SGCZ: variants seen among roughly 807,000 people sequenced by gnomAD.
SGCZ encodes the protein sarcoglycan zeta.
Under a neutral mutation model 41.3 loss-of-function variants are expected in SGCZ, and 40 were observed. That is an observed-to-expected ratio of 0.97 (90% CI 0.75 to 1.26). SGCZ has a LOEUF of 1.26. SGCZ is among the 50% of genes most tolerant of loss of function. The pLI, the probability that SGCZ is intolerant of heterozygous loss-of-function variation, is 0.00. For missense variants in SGCZ, 552 were observed against 369.8 expected (o/e 1.49, Z -4.04); for synonymous variants, 206 against 137.5 (o/e 1.50, Z -3.49).
intron 1 of SGCZ, among the ~76,000 whole-genome samples, chr8:15,158,695 G>A (rs1467173214): frequency 1.3e-5 from 2 of 152,176 alleles, no homozygotes; most frequent in Non-Finnish European, 2.9e-5. Flanking sequence ...AAATAGTGAG[G>A]CCTCTAGGGC....
intron 1 of SGCZ, among the ~76,000 whole-genome samples, chr8:14,993,793 C>A (rs147739906): frequency 2.6e-5 from 4 of 152,236 alleles, no homozygotes; most frequent in South Asian, 2.1e-4. Flanking sequence ...TGTTAACAGA[C>A]GCAAGATAAG....
At chr8:14,500,582 T>C (rs79498921) in intron 2 of SGCZ, among the ~76,000 whole-genome samples, 3,905 of 152,088 alleles carry the variant, frequency 0.026, 109 homozygotes, top group African/African-American at 0.07. Context: ...GTGACTTTTG[T>C]GGAGATGTGG....
chr8:14,981,439 G>C (rs1200017004), intron 1 of SGCZ, among the ~76,000 whole-genome samples: 1 of 152,162 alleles, frequency 6.6e-6, no homozygotes, highest in African/African-American at 2.4e-5. Context: ...CTACTGAAAC[G>C]AACTGAGTTA....
chr8:14,441,141 C>G (rs1374977428), intron 2 of SGCZ, among the ~76,000 whole-genome samples: 1 of 152,140 alleles, frequency 6.6e-6, no homozygotes, highest in African/African-American at 2.4e-5. Flanking sequence ...TTCATCTGCT[C>G]TTAGTAAAAA....
chr8:14,309,790 T>C (rs1801468747), intron 3 of SGCZ: 2 of 1,432,534 alleles, frequency 1.4e-6, no homozygotes, highest in Admixed American at 2.0e-5. Flanking sequence ...CATTTCCATC[T>C]AAATGTTACT....
At chr8:14,985,270 C>T (rs1217338466) in intron 1 of SGCZ, among the ~76,000 whole-genome samples, 2 of 152,062 alleles carry the variant, frequency 1.3e-5, no homozygotes, top group Non-Finnish European at 2.9e-5. Context: ...GAGAATAAAG[C>T]ATCCAAAATC....
Position 15,080,666 on chromosome 8 carries a change from C to T in SGCZ, c.39+156919G>A, listed in dbSNP as rs1389463108. 3.9e-5 allele frequency among the ~76,000 whole-genome samples: 6 copies of T among 152,140 alleles called. No homozygotes were observed. In the East Asian group the frequency reaches 1.2e-3, roughly 29 times the overall value. ...AGTGCAGTGGCGCAATCTCAGCTCA[C>T]TGCAACCTCCGCCTCTGGGGTTCAA... On this transcript the variant is annotated intron_variant, in intron 1 of 7. Coordinates refer to ENST00000382080, the MANE Select transcript of SGCZ (RefSeq NM_139167.4).
At chr8:15,128,153 C>T (rs1327411193) in intron 1 of SGCZ, among the ~76,000 whole-genome samples, 1 of 152,106 alleles carries the variant, frequency 6.6e-6, no homozygotes, top group Non-Finnish European at 1.5e-5. Flanking sequence ...AGCTGGACCA[C>T]ATTGGCGATC....
intron 2 of SGCZ, among the ~76,000 whole-genome samples, chr8:14,440,881 A>G (rs1452602072): frequency 2.0e-5 from 3 of 152,008 alleles, no homozygotes; most frequent in Non-Finnish European, 4.4e-5. Context: ...ACGCACACAC[A>G]TACATGAGTA....
chr8:14,103,176 G>A (rs958975066), intron 6 of SGCZ, among the ~76,000 whole-genome samples: 3 of 151,990 alleles, frequency 2.0e-5, no homozygotes, highest in African/African-American at 2.4e-5. Flanking sequence ...TGCGATTGAA[G>A]GTTGGCTACA....
At chr8:14,949,089 G>A (rs1800546593) in intron 1 of SGCZ, among the ~76,000 whole-genome samples, 1 of 152,018 alleles carries the variant, frequency 6.6e-6, no homozygotes, top group Non-Finnish European at 1.5e-5. Flanking sequence ...ACACCGCCCA[G>A]AATTTGCTCT....
At chr8:14,912,743 T>G (rs1171863576) in intron 1 of SGCZ, among the ~76,000 whole-genome samples, 1 of 152,116 alleles carries the variant, frequency 6.6e-6, no homozygotes, top group Non-Finnish European at 1.5e-5. Context: ...GATGCACCAC[T>G]CTTTTGCCAG....
At chr8:14,707,660 A>C (rs1809375697) in intron 1 of SGCZ, among the ~76,000 whole-genome samples, 1 of 152,166 alleles carries the variant, frequency 6.6e-6, no homozygotes. Context: ...TAAACCATAA[A>C]AACACTTCTA....
At chr8:14,448,652 A>T (rs1800503371) in intron 2 of SGCZ, among the ~76,000 whole-genome samples, 1 of 151,992 alleles carries the variant, frequency 6.6e-6, no homozygotes. Context: ...GAACAACAGT[A>T]ATTCAAGTTT....
intron 1 of SGCZ, among the ~76,000 whole-genome samples, chr8:14,794,436 C>T (rs918554184): frequency 6.6e-6 from 1 of 151,924 alleles, no homozygotes; most frequent in African/African-American, 2.4e-5. Context: ...ACTTAAAGCT[C>T]AATAGAATTC....
rs966933306 is a variant in SGCZ at position 14,507,843 on chromosome 8, C to T, written c.234+46889G>A. Among the ~76,000 whole-genome samples the T allele has an allele frequency of 4.0e-5, 6 of 150,984 alleles. No individual in the cohort carries two copies. The South Asian group carries it at 6.3e-4, about 16-fold the overall frequency. On this transcript the variant is annotated intron_variant, in intron 2 of 7. Transcript: ENST00000382080. ...CTGGAGTGCAATGGCGCGATCTCAGCTTACCGCAATCTCTGCCTCCCAGAT... is the reference window on the plus strand; with the variant it reads ...CTGGAGTGCAATGGCGCGATCTCAGTTTACCGCAATCTCTGCCTCCCAGAT...
chr8:14,613,248 G>A (rs1224686919), intron 1 of SGCZ, among the ~76,000 whole-genome samples: 1 of 152,106 alleles, frequency 6.6e-6, no homozygotes, highest in East Asian at 1.9e-4. Flanking sequence ...ATGATGTAAT[G>A]TACTTTGCTA....
At chr8:14,897,175 T>C (rs1805232263) in intron 1 of SGCZ, among the ~76,000 whole-genome samples, 1 of 152,154 alleles carries the variant, frequency 6.6e-6, no homozygotes, top group Non-Finnish European at 1.5e-5. Context: ...AAGAAATAAA[T>C]GAGAGAATCA....
rs1585346712 is a variant in SGCZ at position 14,883,032 on chromosome 8, T to C, written c.40-328106A>G. 2.0e-5 allele frequency among the ~76,000 whole-genome samples: 3 copies of C among 152,154 alleles called. No individual in the cohort carries two copies. The East Asian group carries it at 5.8e-4, about 29-fold the overall frequency. On this transcript the variant is annotated intron_variant, in intron 1 of 7. Coordinates refer to ENST00000382080, the MANE Select transcript of SGCZ (RefSeq NM_139167.4). Reference sequence around the variant, plus strand: ...ACATAATTCTTAATGAGTAGGATCATAAAATAATTTTTTGAAAATAAATAT... The same window carrying C: ...ACATAATTCTTAATGAGTAGGATCACAAAATAATTTTTTGAAAATAAATAT...
Sources: gnomAD v4.1 joint callset for allele counts (sites outside exome capture counted in the v4.1 genomes callset) on GRCh38, gnomAD v4.1.1 for gene constraint, MANE v1.5 for transcripts, NCBI Gene and HGNC (gene_info 2026-07-23, HGNC 2026-07-21) for gene names.